BMP6: variants seen among roughly 807,000 people sequenced by gnomAD.
BMP6 encodes bone morphogenetic protein 6, also known as VG-1-R.
A neutral mutation model predicts 54.1 loss-of-function variants in BMP6; 17 were observed. That is an observed-to-expected ratio of 0.31 (90% CI 0.22 to 0.47). The LOEUF (loss-of-function observed/expected upper bound fraction) is 0.47, where lower values mean the gene tolerates loss of function less well. BMP6 is among the 20% of genes least tolerant of loss of function. BMP6 has a pLI of 1.00. For synonymous variants in BMP6, 328 were observed against 291.2 expected, an observed-to-expected ratio of 1.13 and a Z score of -1.28; for missense variants, 720 against 690.4, an observed-to-expected ratio of 1.04 and a Z score of -0.48.
intron 1 of BMP6, among the ~76,000 whole-genome samples, chr6:7,765,743 C>T (rs143600485): frequency 3.9e-4 from 59 of 152,342 alleles, no homozygotes; most frequent in African/African-American, 1.3e-3. Context: ...AAGCAGAGGT[C>T]TGGCATGAGC....
Position 7,726,360 on chromosome 6 carries a change from C to G in BMP6, c.-596C>G. Among the ~76,000 whole-genome samples, 1 of 152,190 alleles carries G rather than the reference C, an allele frequency of 6.6e-6. No individual in the cohort carries two copies. The highest frequency in any genetic ancestry group is 2.1e-4 in the South Asian group (1 of 4,834). On this transcript the variant is annotated 5_prime_UTR_variant, in exon 1 of 7. Transcript: ENST00000283147. ...AGCTCAGGGGCGCGGAGTTCGTGAG[C>G]GAGAAGGAAGTTAAACCTCGCGGAA...
chr6:7,727,174 G>T lies in BMP6; in HGVS notation c.219G>T (p.Thr73=), dbSNP rs376612665. The change falls in exon 1 of 7, where the codon ACG becomes ACT. Residue 73 remains threonine, a synonymous_variant. Transcript: ENST00000283147. Reference sequence around the variant, plus strand: ...GCTTCCTGTACCGGCGGCTCAAGACGCAGGAGAAGCGGGAGATGCAGAAGG... The same window carrying T: ...GCTTCCTGTACCGGCGGCTCAAGACTCAGGAGAAGCGGGAGATGCAGAAGG... ...SSGFLYRRLK[T]QEKREMQKEI... is the part of the protein sequence containing the mutation. The T allele has an allele frequency of 4.4e-6, 7 of 1,597,476 alleles. No homozygotes were observed. Among genetic ancestry groups the T allele is most frequent in the East Asian group, 2.3e-5 (1 of 44,016 alleles).
chr6:7,850,434 C>A (rs1759125278), intron 2 of BMP6, among the ~76,000 whole-genome samples: 1 of 152,198 alleles, frequency 6.6e-6, no homozygotes, highest in East Asian at 1.9e-4. Context: ...CTTCCCCCTT[C>A]ATCCCTCCCT....
Position 7,813,111 on chromosome 6 carries a change from ATATATAT to A in BMP6, c.665-32028_665-32022del, listed in dbSNP as rs1561780027. Among the ~76,000 whole-genome samples the A allele has an allele frequency of 8.9e-3, 358 of 40,154 alleles. 5 individuals carry two copies. The highest frequency in any genetic ancestry group is 0.013 in the Non-Finnish European group (299 of 22,268). The allele number at this position is 40,154 out of a possible 152,430, so 26.3% of individuals were successfully genotyped here. A position where few individuals can be genotyped will look rare whatever the true frequency, so the allele number is the denominator to read the frequency against. ...CAAAAAAAAAAAAAAAAAAAAAAAT[ATATATAT>A]ATATATATATATATATATATATATA... is the stretch of plus-strand genomic sequence containing the variant. On this transcript the variant is annotated intron_variant, in intron 1 of 6. Transcript: ENST00000283147.
At chr6:7,790,566 G>A (rs1326207560) in intron 1 of BMP6, among the ~76,000 whole-genome samples, 1 of 145,590 alleles carries the variant, frequency 6.9e-6, no homozygotes, top group African/African-American at 2.6e-5. Context: ...ATATACAGCT[G>A]TTCTTGTTGG....
At chr6:7,774,981 CAGAG>C (rs756336375) in intron 1 of BMP6, among the ~76,000 whole-genome samples, 19 of 152,100 alleles carry the variant, frequency 1.2e-4, no homozygotes, top group Non-Finnish European at 2.4e-4. Flanking sequence ...AAAGGAGAAA[CAGAG>C]AGGAAGGGGG....
intron 2 of BMP6, 118 bp downstream of exon 2, chr6:7,845,450 G>A (rs1759047177): frequency 4.6e-6 from 4 of 877,828 alleles, no homozygotes; most frequent in Admixed American, 3.4e-5. Context: ...GGCAGCATGT[G>A]AGTACGATGA....
intron 2 of BMP6, among the ~76,000 whole-genome samples, chr6:7,860,218 A>C (rs563916725): frequency 6.6e-6 from 1 of 152,360 alleles, no homozygotes; most frequent in Admixed American, 6.5e-5. Flanking sequence ...GATTGGTGTA[A>C]GGACCAAACA....
intron 3 of BMP6, 21 bp from the exon 4 acceptor site, chr6:7,862,280 A>C (rs769333632): frequency 1.2e-6 from 2 of 1,613,276 alleles, no homozygotes; most frequent in Non-Finnish European, 1.7e-6. Flanking sequence ...AAAGAGATGC[A>C]TGCTTTGATT....
chr6:7,877,782 A>G (rs1759644565), intron 4 of BMP6, among the ~76,000 whole-genome samples: 1 of 152,196 alleles, frequency 6.6e-6, no homozygotes, highest in Non-Finnish European at 1.5e-5. Flanking sequence ...ATAGCCTGCA[A>G]ATGACCTAGG....
intron 2 of BMP6, among the ~76,000 whole-genome samples, chr6:7,856,595 A>ATTTTTTCTTTTTTTTTTTT (rs1759237135): frequency 1.2e-5 from 1 of 83,116 alleles, no homozygotes; most frequent in Non-Finnish European, 2.2e-5. Context: ...TATCAAGAGC[A>ATTTTTTCTTTTTTTTTTTT]TTTTTTTTTT....
chr6:7,778,908 C>T (rs963684571), intron 1 of BMP6, among the ~76,000 whole-genome samples: 2 of 152,182 alleles, frequency 1.3e-5, no homozygotes, highest in African/African-American at 4.8e-5. Flanking sequence ...ATTATTTTCT[C>T]CAGTATTCGT....
At chr6:7,849,523 T>C (rs1346652462) in intron 2 of BMP6, among the ~76,000 whole-genome samples, 6 of 152,244 alleles carry the variant, frequency 3.9e-5, no homozygotes, top group African/African-American at 1.4e-4. Context: ...GGTAGCATCA[T>C]GAGTACATGC....
intron 1 of BMP6, among the ~76,000 whole-genome samples, chr6:7,794,675 C>G (rs1758166858): frequency 6.6e-6 from 1 of 150,890 alleles, no homozygotes; most frequent in Non-Finnish European, 1.5e-5. Flanking sequence ...TGATACCTTA[C>G]AATAAATTTG....
Position 7,758,894 on chromosome 6 carries a change from C to T in BMP6, c.664+31275C>T, listed in dbSNP as rs117303474. 5.3e-5 allele frequency among the ~76,000 whole-genome samples: 8 copies of T among 152,266 alleles called. No homozygotes were observed. The East Asian group carries it at 9.7e-4, about 18-fold the overall frequency. On this transcript the variant is annotated intron_variant, in intron 1 of 6. Transcript: ENST00000283147. Reference sequence around the variant, plus strand: ...GATGCATTTGTGGTTGGAGGGGAGTCGGTGCAGCCATGGTAGAATAGAGGT... The same window carrying T: ...GATGCATTTGTGGTTGGAGGGGAGTTGGTGCAGCCATGGTAGAATAGAGGT...
At chr6:7,765,073 C>T (rs1396208352) in intron 1 of BMP6, among the ~76,000 whole-genome samples, 2 of 152,148 alleles carry the variant, frequency 1.3e-5, no homozygotes, top group African/African-American at 4.8e-5. Context: ...TGTATTCCTC[C>T]CTGCTCCCAC....
chr6:7,801,189 A>G (rs1758265913), intron 1 of BMP6, among the ~76,000 whole-genome samples: 1 of 152,250 alleles, frequency 6.6e-6, no homozygotes, highest in Non-Finnish European at 1.5e-5. Context: ...TTTTTAAGAC[A>G]GCATTTATTA....
rs117548012 is a variant in BMP6 at position 7,762,530 on chromosome 6, A to G, written c.664+34911A>G. 1.1e-3 allele frequency among the ~76,000 whole-genome samples: 165 copies of G among 152,360 alleles called. No homozygotes were observed. The East Asian group carries it at 0.029, about 27-fold the overall frequency. ...TGGAGTTTATGATATTATCAGGGAC[A>G]ATATACAAATATATAACATATATAC... On this transcript the variant is annotated intron_variant, in intron 1 of 6. Coordinates refer to ENST00000283147, the MANE Select transcript of BMP6 (RefSeq NM_001718.6).
chr6:7,779,074 G>C (rs1439148001), intron 1 of BMP6, among the ~76,000 whole-genome samples: 1 of 152,208 alleles, frequency 6.6e-6, no homozygotes, highest in Non-Finnish European at 1.5e-5. Flanking sequence ...CTTTCGGGAA[G>C]CAGTGTTTCT....
Sources: allele counts gnomAD v4.1 joint callset (sites outside exome capture counted in the v4.1 genomes callset), GRCh38; gene constraint gnomAD v4.1.1; transcripts MANE v1.5; gene names NCBI Gene and HGNC (gene_info 2026-07-23, HGNC 2026-07-21).